The following DAPK2 variants were observed in gnomAD, a reference collection of about 807,000 sequenced individuals.
The protein encoded by DAPK2 is death-associated protein kinase 2.
In DAPK2, 35 loss-of-function variants were observed where a neutral mutation model predicts 44.1. That is an observed-to-expected ratio of 0.79 (90% CI 0.61 to 1.05). The LOEUF is 1.05. DAPK2 is among the 50% of genes least tolerant of loss of function. The probability of loss-of-function intolerance (pLI) is 0.00; values close to 1 mark genes in which losing one functional copy is unlikely to be tolerated. For synonymous variants in DAPK2, 174 were observed against 182.6 expected, an observed-to-expected ratio of 0.95 and a Z score of 0.38; for missense variants, 453 against 483.2, an observed-to-expected ratio of 0.94 and a Z score of 0.59.
Position 63,964,838 on chromosome 15 carries a change from T to G in DAPK2, c.453+6585A>C, listed in dbSNP as rs182313480. On this transcript the variant is annotated intron_variant, in intron 3 of 10. Transcript: ENST00000261891. ...TTGTTAAATTTATCTGATATAATTCTGAATTCCTTCTCTGTGTTATCTTGA... is the reference window on the plus strand; with the variant it reads ...TTGTTAAATTTATCTGATATAATTCGGAATTCCTTCTCTGTGTTATCTTGA... Among the ~76,000 whole-genome samples, 4 of 152,328 alleles carry G rather than the reference T, an allele frequency of 2.6e-5. No homozygotes were observed. The East Asian group carries it at 7.7e-4, about 29-fold the overall frequency.
intron 1 of DAPK2, among the ~76,000 whole-genome samples, chr15:64,003,258 A>T (rs1431535145): frequency 6.6e-6 from 1 of 152,168 alleles, no homozygotes; most frequent in African/African-American, 2.4e-5. Flanking sequence ...GATCCAGAGC[A>T]CATCTCTAGA....
rs192142679 is a variant in DAPK2 at position 63,908,649 on chromosome 15, G to A, written c.1033-49C>T. ...GTCCAGGGCAGGAGGATCATGAGAC[G>A]CCAGGAATGGGGCTGTGCTGGGCAA... On this transcript the variant is annotated intron_variant, in intron 10 of 10. Coordinates refer to ENST00000261891, the Ensembl canonical transcript of DAPK2. This position sits in a 1 kb window ranked among gnomAD's most constrained non-coding sequence, Gnocchi z 5.7. The A allele has an allele frequency of 1.5e-4, 218 of 1,495,650 alleles. No homozygotes were observed. In the African/African-American group the frequency reaches 2.4e-3, roughly 17 times the overall value. 92.6% of individuals were successfully genotyped at this position (1,495,650 alleles called of 1,614,324 possible).
In DAPK2 at chr15:63,963,631, C is replaced by T. The variant is rs143581968; in HGVS notation, c.453+7792G>A. 5.7e-3 allele frequency among the ~76,000 whole-genome samples: 870 copies of T among 152,106 alleles called. 7 individuals are homozygous for T. Among genetic ancestry groups the T allele is most frequent in the African/African-American group, 0.019 (801 of 41,494 alleles). ...TTTGTTGTCTTCTTTTCCTTCTTTCCGTCCTTCCTGTCTTCCTTTTAGTGA... is the reference window on the plus strand; with the variant it reads ...TTTGTTGTCTTCTTTTCCTTCTTTCTGTCCTTCCTGTCTTCCTTTTAGTGA... On this transcript the variant is annotated intron_variant, in intron 3 of 10. Coordinates refer to ENST00000261891, the Ensembl canonical transcript of DAPK2.
Position 63,912,108 on chromosome 15 carries a change from C to A in DAPK2, c.948G>T (p.Lys316Asn), listed in dbSNP as rs2078812467. 6.2e-7 allele frequency: 1 copy of A among 1,613,688 alleles called. No homozygotes were observed. Among genetic ancestry groups the A allele is most frequent in the South Asian group, 1.1e-5 (1 of 91,048 alleles). The change falls in exon 9 of 11, where the codon AAG becomes AAT. Residue 316 changes from lysine to asparagine, a missense_variant and splice_region_variant. Coordinates refer to ENST00000261891, the Ensembl canonical transcript of DAPK2. The surrounding 1 kb of genome is among the most constrained non-coding windows in gnomAD (Gnocchi z 4.4). Reference sequence around the variant, plus strand: ...CCCGCCGCCCCAACCCTGGACACACCTTCCACCGCCTGCGGACATACTGCT... The same window carrying A: ...CCCGCCGCCCCAACCCTGGACACACATTCCACCGCCTGCGGACATACTGCT...
At chr15:63,925,823 A>C in intron 7 of DAPK2, 118 bp downstream of exon 8, 1 of 1,314,248 alleles carries the variant, frequency 7.6e-7, no homozygotes, top group Non-Finnish European at 1.1e-6. Context: ...TGCCCGGATT[A>C]GACCACAACA....
At chr15:64,044,689 G>A (rs778291140), upstream of DAPK2, among the ~76,000 whole-genome samples, 2 of 152,124 alleles carry the variant, frequency 1.3e-5, no homozygotes, top group Non-Finnish European at 2.9e-5. Context: ...GGTGTCTAGG[G>A]CTGGAAGATC....
intron 2 of DAPK2, among the ~76,000 whole-genome samples, chr15:63,982,259 C>T (rs866027130): frequency 2.2e-4 from 31 of 141,396 alleles, no homozygotes; most frequent in Admixed American, 7.0e-4. Flanking sequence ...GATGCAATCT[C>T]GGCTTACTGC....
chr15:64,023,203 A>G (rs2079742228), intron 1 of DAPK2, among the ~76,000 whole-genome samples: 1 of 152,212 alleles, frequency 6.6e-6, no homozygotes, highest in Non-Finnish European at 1.5e-5. Context: ...ATGCTGTGGG[A>G]ACACAGAACA....
intron 1 of DAPK2, among the ~76,000 whole-genome samples, chr15:64,027,032 C>T (rs2079867247): frequency 1.3e-5 from 2 of 152,054 alleles, no homozygotes; most frequent in African/African-American, 4.8e-5. Flanking sequence ...TCACTTGAGC[C>T]CAGGAGTTCA....
chr15:63,974,350 C>T (rs1167310164), intron 2 of DAPK2, among the ~76,000 whole-genome samples: 1 of 152,140 alleles, frequency 6.6e-6, no homozygotes, highest in East Asian at 1.9e-4. Flanking sequence ...AGTTGGGTAA[C>T]AGCTTGATTT....
chr15:64,011,585 G>C (rs1234534433), intron 1 of DAPK2, among the ~76,000 whole-genome samples: 1 of 152,218 alleles, frequency 6.6e-6, no homozygotes, highest in East Asian at 1.9e-4. Flanking sequence ...ACTCCAGGTT[G>C]ATGCTTGGAT....
At chr15:64,006,519 T>G (rs955442477) in intron 1 of DAPK2, among the ~76,000 whole-genome samples, 4 of 152,088 alleles carry the variant, frequency 2.6e-5, no homozygotes, top group Non-Finnish European at 5.9e-5. Flanking sequence ...CCCAACTCCA[T>G]TCCCACTTCA....
At chr15:64,022,671 T>C (rs566235364) in intron 1 of DAPK2, among the ~76,000 whole-genome samples, 2 of 152,130 alleles carry the variant, frequency 1.3e-5, no homozygotes, top group South Asian at 4.2e-4. Context: ...AACAAAAAAT[T>C]AGCTGGGTGT....
chr15:64,036,324 T>TATATATAC (rs2080197975), intron 1 of DAPK2, among the ~76,000 whole-genome samples: 1 of 116,020 alleles, frequency 8.6e-6, no homozygotes, highest in Non-Finnish European at 1.8e-5. Context: ...TATATGTATA[T>TATATATAC]ATATATATAT....
chr15:63,996,960 C>T (rs1489535004), intron 1 of DAPK2, among the ~76,000 whole-genome samples: 1 of 152,198 alleles, frequency 6.6e-6, no homozygotes, highest in East Asian at 1.9e-4. Context: ...CCACACCCAG[C>T]CTTTCTGCCC....
intron 1 of DAPK2, among the ~76,000 whole-genome samples, chr15:64,028,880 C>T (rs916247031): frequency 6.6e-6 from 1 of 152,092 alleles, no homozygotes; most frequent in South Asian, 2.1e-4. Flanking sequence ...AACTGGTATA[C>T]ATAGGTCAAG....
chr15:63,942,839 A>G (rs1011471994), intron 3 of DAPK2, among the ~76,000 whole-genome samples: 3 of 152,020 alleles, frequency 2.0e-5, no homozygotes, highest in Non-Finnish European at 2.9e-5. Context: ...AGTACCCTGT[A>G]ATACCCGAAC....
At chr15:64,007,966 C>T (rs1037020703) in intron 1 of DAPK2, among the ~76,000 whole-genome samples, 5 of 152,170 alleles carry the variant, frequency 3.3e-5, no homozygotes, top group Non-Finnish European at 5.9e-5. Flanking sequence ...ATGTCTAGAA[C>T]AGGCAAATCC....
At chr15:63,994,555 T>C (rs966414049) in intron 1 of DAPK2, among the ~76,000 whole-genome samples, 6 of 151,616 alleles carry the variant, frequency 4.0e-5, no homozygotes, top group Non-Finnish European at 7.4e-5. Context: ...GCCCCTCAGA[T>C]GTTTTTCAGC....
Sources: allele counts gnomAD v4.1 joint callset (sites outside exome capture counted in the v4.1 genomes callset), GRCh38; gene constraint gnomAD v4.1.1; non-coding constraint Gnocchi (gnomAD v3.1); transcripts MANE v1.5; gene names NCBI Gene and HGNC (gene_info 2026-07-23, HGNC 2026-07-21).